The following LRP1B variants were observed in gnomAD, a reference collection of about 807,000 sequenced individuals.
The protein encoded by LRP1B is LDL receptor related protein 1B.
A neutral mutation model predicts 556.6 loss-of-function variants in LRP1B; 217 were observed. The observed-to-expected ratio is 0.39, with a 90% CI of 0.35 to 0.44. LRP1B has a LOEUF of 0.44. LRP1B is among the 20% of genes least tolerant of loss of function. LRP1B has a pLI of 1.00. For missense variants in LRP1B, 5,053 were observed against 5,620.8 expected (o/e 0.90, Z 3.23); for synonymous variants, 2,047 against 1,865.8 (o/e 1.10, Z -2.50).
At chr2:141,077,560 C>T (rs2104874362) in intron 7 of LRP1B, among the ~76,000 whole-genome samples, 1 of 152,250 alleles carries the variant, frequency 6.6e-6, no homozygotes, top group Admixed American at 6.5e-5. Flanking sequence ...TACTTCGTGT[C>T]TATAGTCGGC....
At chr2:140,280,874 C>T (rs182235434) in intron 84 of LRP1B, among the ~76,000 whole-genome samples, 301 of 151,864 alleles carry the variant, frequency 2.0e-3, no homozygotes, top group African/African-American at 7.1e-3. Context: ...CATGAACTTA[C>T]ACAACCCTTT....
chr2:140,377,018 A>G (rs1335125094), intron 68 of LRP1B, among the ~76,000 whole-genome samples: 1 of 152,176 alleles, frequency 6.6e-6, no homozygotes, highest in African/African-American at 2.4e-5. Context: ...CAACCAGAGC[A>G]GCGGAGCTTT....
chr2:140,302,297 T>C (rs144678933), intron 83 of LRP1B, among the ~76,000 whole-genome samples: 6 of 152,294 alleles, frequency 3.9e-5, no homozygotes, highest in African/African-American at 1.4e-4. Context: ...CTTCAGACCT[T>C]CAATTTTACT....
chr2:140,744,516 T>C (rs1355867672), intron 35 of LRP1B, among the ~76,000 whole-genome samples: 5 of 152,156 alleles, frequency 3.3e-5, no homozygotes, highest in Non-Finnish European at 1.5e-5. Context: ...TGAGGAAATT[T>C]ACTTGTCAGC....
intron 11 of LRP1B, among the ~76,000 whole-genome samples, chr2:141,030,451 T>C (rs1698336307): frequency 6.6e-6 from 1 of 152,138 alleles, no homozygotes; most frequent in African/African-American, 2.4e-5. Flanking sequence ...TAAGACAAAT[T>C]ACAAATAACT....
At chr2:141,099,608 C>A (rs1454856839) in intron 7 of LRP1B, among the ~76,000 whole-genome samples, 1 of 152,210 alleles carries the variant, frequency 6.6e-6, no homozygotes, top group Non-Finnish European at 1.5e-5. Flanking sequence ...CACACATAGA[C>A]ATCTACATGC....
intron 37 of LRP1B, among the ~76,000 whole-genome samples, chr2:140,711,118 C>G (rs569362945): frequency 1.3e-5 from 2 of 152,056 alleles, no homozygotes; most frequent in South Asian, 4.1e-4. Context: ...AGAAGGAAAC[C>G]TTTTTCTGAG....
chr2:140,889,003 A>G (rs1415097621), intron 23 of LRP1B, among the ~76,000 whole-genome samples: 2 of 151,782 alleles, frequency 1.3e-5, no homozygotes, highest in East Asian at 1.9e-4. Flanking sequence ...TATAAGCATT[A>G]CAAACATTGA....
chr2:140,527,641 A>G (rs954659183), intron 47 of LRP1B, among the ~76,000 whole-genome samples: 2 of 150,854 alleles, frequency 1.3e-5, no homozygotes, highest in Admixed American at 6.7e-5. Flanking sequence ...AGATAATGCT[A>G]TTGTAAGTAG....
chr2:141,444,725 A>G (rs1681118372), intron 3 of LRP1B, among the ~76,000 whole-genome samples: 1 of 152,174 alleles, frequency 6.6e-6, no homozygotes, highest in South Asian at 2.1e-4. Flanking sequence ...GTGGTAAATT[A>G]TGTTTATTGA....
chr2:140,658,608 AATG>A (rs1370487742), intron 41 of LRP1B, among the ~76,000 whole-genome samples: 56 of 152,210 alleles, frequency 3.7e-4, no homozygotes, highest in African/African-American at 1.3e-3. Flanking sequence ...TAAATTTGAA[AATG>A]ATGATAAAAC....
chr2:141,276,658 C>CT (rs11353705), intron 3 of LRP1B, among the ~76,000 whole-genome samples: 13,304 of 122,908 alleles, frequency 0.11, 895 homozygotes, highest in East Asian at 0.2. Flanking sequence ...TTCTTTCTTT[C>CT]TTTTTTTTTT....
chr2:141,603,489 G>A (rs527743645), intron 2 of LRP1B, among the ~76,000 whole-genome samples: 1 of 152,096 alleles, frequency 6.6e-6, no homozygotes, highest in South Asian at 2.1e-4. Context: ...TTGTATCAGG[G>A]GATACAGATA....
At chr2:140,310,191 C>A (rs1420569660) in intron 83 of LRP1B, among the ~76,000 whole-genome samples, 1 of 151,706 alleles carries the variant, frequency 6.6e-6, no homozygotes, top group Non-Finnish European at 1.5e-5. Flanking sequence ...ATTATGCTTT[C>A]TGTGTTTTTT....
At chr2:141,105,405 C>G (rs1250240853) in intron 7 of LRP1B, among the ~76,000 whole-genome samples, 5 of 151,956 alleles carry the variant, frequency 3.3e-5, no homozygotes, top group Non-Finnish European at 5.9e-5. Context: ...TGTGTTTACT[C>G]TTACCATTTG....
At chr2:140,782,637 AAT>A (rs1200509850) in intron 32 of LRP1B, among the ~76,000 whole-genome samples, 5 of 152,158 alleles carry the variant, frequency 3.3e-5, no homozygotes, top group Non-Finnish European at 5.9e-5. Context: ...ATATTACAGG[AAT>A]TAATGGATTA....
At chr2:142,053,103 A>G (rs544904657) in intron 1 of LRP1B, among the ~76,000 whole-genome samples, 1 of 152,280 alleles carries the variant, frequency 6.6e-6, no homozygotes, top group East Asian at 1.9e-4. Flanking sequence ...GTTTTTCTCA[A>G]TGAGAAACAG....
At chr2:141,132,482 A>T (rs965535022) in intron 7 of LRP1B, among the ~76,000 whole-genome samples, 33 of 151,998 alleles carry the variant, frequency 2.2e-4, no homozygotes, top group Non-Finnish European at 3.4e-4. Context: ...TGAACTTCTC[A>T]GCCTACAAAA....
At chr2:142,025,247 G>A (rs1285620260) in intron 1 of LRP1B, among the ~76,000 whole-genome samples, 1 of 152,030 alleles carries the variant, frequency 6.6e-6, no homozygotes, top group Non-Finnish European at 1.5e-5. Context: ...ATCTGTAGTT[G>A]TATTACAATC....
Sources: allele counts gnomAD v4.1 joint callset (sites outside exome capture counted in the v4.1 genomes callset), GRCh38; gene constraint gnomAD v4.1.1; transcripts MANE v1.5; gene names NCBI Gene and HGNC (gene_info 2026-07-23, HGNC 2026-07-21).